The following IPO9 variants were observed in gnomAD, a reference collection of about 807,000 sequenced individuals.
The protein encoded by IPO9 is importin-9.
Under a neutral mutation model 128.6 loss-of-function variants are expected in IPO9, and 28 were observed. The ratio of observed to expected loss-of-function variants is 0.22; its 90% CI spans 0.16 to 0.30. The LOEUF (loss-of-function observed/expected upper bound fraction) is 0.30, where lower values mean the gene tolerates loss of function less well. Among genes scored for constraint, IPO9 ranks in the 10% least tolerant of loss-of-function variants. The pLI is 1.00. For missense variants in IPO9, 935 were observed against 1,293.9 expected, an observed-to-expected ratio of 0.72 and a Z score of 4.26; for synonymous variants, 455 against 475.8, an observed-to-expected ratio of 0.96 and a Z score of 0.57.
At chr1:201,865,803 T>G (rs1463337048) in intron 14 of IPO9, among the ~76,000 whole-genome samples, 1 of 152,162 alleles carries the variant, frequency 6.6e-6, no homozygotes, top group Admixed American at 6.5e-5. Flanking sequence ...AAAAATACAT[T>G]GTCTAGGACC....
In IPO9 at chr1:201,871,344, C is replaced by A; in HGVS notation, c.2576+17C>A. ...CAAAGTCAGGTAGAACCTCATCTTT[C>A]TTTTCTGGGCATTCTGCCACCACTC... On this transcript the variant is annotated intron_variant, in intron 19 of 23. Transcript: ENST00000361565. 4 of 1,065,274 alleles carry A rather than the reference C, an allele frequency of 3.8e-6. No individual in the cohort carries two copies. The highest frequency in any genetic ancestry group is 2.6e-5 in the Admixed American group (1 of 38,770). 66.0% of individuals were successfully genotyped at this position (1,065,274 alleles called of 1,614,324 possible). A position where few individuals can be genotyped will look rare whatever the true frequency, so the allele number is the denominator to read the frequency against.
At position 201,863,368 on chromosome 1, in the gene IPO9, G is replaced by A. The variant is rs529447054; in HGVS notation, c.1469-80G>A. ...CTCCATCTCAAAAAAAAAAAATTGA[G>A]GAATGAATGTGGGAAAGAGAAAGAA... is the stretch of plus-strand genomic sequence containing the variant. On this transcript the variant is annotated intron_variant, in intron 13 of 23. Coordinates refer to ENST00000361565, the MANE Select transcript of IPO9 (RefSeq NM_018085.5). 1.8e-5 allele frequency: 25 copies of A among 1,390,920 alleles called. No homozygotes were observed. In the South Asian group the frequency reaches 3.5e-4, roughly 20 times the overall value. The allele number at this position is 1,390,920 out of a possible 1,614,324, so 86.2% of individuals were successfully genotyped here. A position where few individuals can be genotyped will look rare whatever the true frequency, so the allele number is the denominator to read the frequency against.
chr1:201,871,083 C>A, intron 18 of IPO9, 78 bp from the exon 19 acceptor site: 2 of 1,431,378 alleles, frequency 1.4e-6, no homozygotes, highest in Admixed American at 1.8e-5. Flanking sequence ...TATTTCTTAT[C>A]TGACTGGCCA....
chr1:201,860,286 C>T (rs1337990256), intron 13 of IPO9, among the ~76,000 whole-genome samples: 14 of 152,226 alleles, frequency 9.2e-5, no homozygotes, highest in Non-Finnish European at 1.5e-5. Context: ...TCGGGTGTCT[C>T]AGTCCATCAC....
chr1:201,857,752 A>C, intron 11 of IPO9, among the ~76,000 whole-genome samples: 1 of 148,652 alleles, frequency 6.7e-6, no homozygotes, highest in South Asian at 2.1e-4. Context: ...CCAAGATTAC[A>C]CCATTGCGCT....
At chr1:201,848,809 A>G (rs752854179) in intron 4 of IPO9, among the ~76,000 whole-genome samples, 60 of 152,140 alleles carry the variant, frequency 3.9e-4, no homozygotes, top group Non-Finnish European at 7.8e-4. Context: ...CAAACCTACC[A>G]CTTACAGATA....
rs867353819 is a variant in IPO9, at chr1:201,870,891, C to T, written c.2409+33C>T. On this transcript the variant is annotated intron_variant, in intron 18 of 23. Transcript: ENST00000361565. The surrounding 1 kb of genome is among the most constrained non-coding windows in gnomAD (Gnocchi z 4.9). ...AGCAGTGGGGAGTGGGCTTCCTACTCCCTGGCTGATAGAAATGAAAATTCG... is the reference window on the plus strand; with the variant it reads ...AGCAGTGGGGAGTGGGCTTCCTACTTCCTGGCTGATAGAAATGAAAATTCG... 6.4e-7 allele frequency: 1 copy of T among 1,570,462 alleles called. No individual in the cohort carries two copies. Among genetic ancestry groups the T allele is most frequent in the Non-Finnish European group, 8.6e-7 (1 of 1,159,896 alleles).
At position 201,882,035 on chromosome 1, in the gene IPO9, TCA is replaced by T. The variant is rs1680890800; in HGVS notation, c.*5983_*5984del. 1 of 152,172 alleles carries T rather than the reference TCA, an allele frequency of 6.6e-6. No homozygotes were observed. Among genetic ancestry groups the T allele is most frequent in the Admixed American group, 6.5e-5 (1 of 15,274 alleles). The allele number at this position is 152,172 out of a possible 1,614,324, so 9.4% of individuals were successfully genotyped here. A position where few individuals can be genotyped will look rare whatever the true frequency, so the allele number is the denominator to read the frequency against. ...CAGAGGCTAGACCTTTAGTTAGCAG[TCA>T]CGGGAAAATTCCCCATTCTCACGGG... On this transcript the variant is annotated 3_prime_UTR_variant, in exon 24 of 24. Transcript: ENST00000361565.
intron 4 of IPO9, among the ~76,000 whole-genome samples, chr1:201,851,547 T>C (rs1680219085): frequency 6.6e-6 from 1 of 152,092 alleles, no homozygotes; most frequent in Admixed American, 6.5e-5. Context: ...AGGTTGCTTT[T>C]TGTCACATTT....
At position 201,881,422 on chromosome 1, in the gene IPO9, C is replaced by CT. The variant is rs1474711177; in HGVS notation, c.*5371dup. 6.6e-6 allele frequency: 1 copy of CT among 152,206 alleles called. No homozygotes were observed. Among genetic ancestry groups the CT allele is most frequent in the Non-Finnish European group, 1.5e-5 (1 of 68,032 alleles). 9.4% of individuals were successfully genotyped at this position (152,206 alleles called of 1,614,324 possible). ...TGTACTTGTTGCCTATTTGTTTTGCCTTTCCTGTGCATTTGCCAGGCAGAT... is the reference window on the plus strand; with the variant it reads ...TGTACTTGTTGCCTATTTGTTTTGCCTTTTCCTGTGCATTTGCCAGGCAGAT... On this transcript the variant is annotated 3_prime_UTR_variant, in exon 24 of 24. Coordinates refer to ENST00000361565, the MANE Select transcript of IPO9 (RefSeq NM_018085.5).
At position 201,829,157 on chromosome 1, in the gene IPO9, G is replaced by C. The variant is rs1390766495; in HGVS notation, c.-53G>C. On this transcript the variant is annotated 5_prime_UTR_variant, in exon 1 of 24. Coordinates refer to ENST00000361565, the MANE Select transcript of IPO9 (RefSeq NM_018085.5). The stretch of plus-strand genomic sequence containing the variant: ...CGCGGATTGGCCGCGCGCGGGGGCC[G>C]TCATTCGGTGGCGGGTCCCGGCCGC... 50 of 1,403,702 alleles carry C rather than the reference G, an allele frequency of 3.6e-5. No individual in the cohort carries two copies. In the East Asian group the frequency reaches 1.5e-3, roughly 41 times the overall value. The allele number at this position is 1,403,702 out of a possible 1,614,324, so 87.0% of individuals were successfully genotyped here.
intron 21 of IPO9, 125 bp downstream of exon 21, chr1:201,874,497 T>A (rs1680721685): frequency 9.3e-7 from 1 of 1,079,526 alleles, no homozygotes; most frequent in Non-Finnish European, 1.3e-6. Flanking sequence ...GGCTGCTCTG[T>A]GGCTGGCACC....
chr1:201,846,997 C>G (rs1217151943), intron 1 of IPO9, among the ~76,000 whole-genome samples: 1 of 152,166 alleles, frequency 6.6e-6, no homozygotes, highest in African/African-American at 2.4e-5. Context: ...ATTAATTGGT[C>G]TAAGAGGAAG....
chr1:201,834,415 C>T (rs375349034), intron 1 of IPO9, among the ~76,000 whole-genome samples: 23 of 152,112 alleles, frequency 1.5e-4, no homozygotes, highest in African/African-American at 3.9e-4. Context: ...GTCTGACTTA[C>T]GGTGAGATCA....
chr1:201,847,459 G>GAT, intron 2 of IPO9, 93 bp from the exon 3 acceptor site: 1 of 1,353,384 alleles, frequency 7.4e-7, no homozygotes, highest in Non-Finnish European at 1.1e-6. Context: ...GCCAGATTTA[G>GAT]ATATACTTCA....
chr1:201,860,995 A>G (rs563533041), intron 13 of IPO9, among the ~76,000 whole-genome samples: 103 of 152,174 alleles, frequency 6.8e-4, no homozygotes, highest in African/African-American at 2.3e-3. Context: ...GCCTAACCCC[A>G]TCTCTACTAA....
In IPO9 at chr1:201,855,316, T is replaced by C. The variant is rs1040081705; in HGVS notation, c.970+134T>C. ...GTTTTCTAATTCAGTTTATTTTCGA[T>C]GTATTCGATGTGGGGAAATGAGAAT... On this transcript the variant is annotated intron_variant, in intron 9 of 23. Coordinates refer to ENST00000361565, the MANE Select transcript of IPO9 (RefSeq NM_018085.5). 6 of 589,556 alleles carry C rather than the reference T, an allele frequency of 1.0e-5. No homozygotes were observed. The African/African-American group carries it at 1.1e-4, about 11-fold the overall frequency. The allele number at this position is 589,556 out of a possible 1,614,324, so 36.5% of individuals were successfully genotyped here. A position where few individuals can be genotyped will look rare whatever the true frequency, so the allele number is the denominator to read the frequency against.
chr1:201,875,134 G>A lies in IPO9; in HGVS notation c.2939-18G>A, dbSNP rs368498020. ...GGGCCTTTGTCCTGACCCGCCCTGT[G>A]TTGGCTATGTCTAACAGAGGAGGAT... On this transcript the variant is annotated intron_variant, in intron 22 of 23. Coordinates refer to ENST00000361565, the MANE Select transcript of IPO9 (RefSeq NM_018085.5). The A allele has an allele frequency of 6.2e-7, 1 of 1,612,272 alleles. No homozygotes were observed. Among genetic ancestry groups the A allele is most frequent in the African/African-American group, 1.3e-5 (1 of 74,892 alleles).
At chr1:201,849,358 C>T (rs1292403504) in intron 4 of IPO9, among the ~76,000 whole-genome samples, 1 of 152,192 alleles carries the variant, frequency 6.6e-6, no homozygotes, top group Non-Finnish European at 1.5e-5. Flanking sequence ...TTGCAAGTTC[C>T]TCCCTGCTTC....
Sources: gnomAD v4.1 joint callset for allele counts (sites outside exome capture counted in the v4.1 genomes callset) on GRCh38, gnomAD v4.1.1 for gene constraint, Gnocchi (gnomAD v3.1) non-coding constraint, MANE v1.5 for transcripts, NCBI Gene and HGNC (gene_info 2026-07-23, HGNC 2026-07-21) for gene names.